Variants in KIAA0319L observed in about 807,000 individuals in gnomAD.
KIAA0319L encodes the protein dyslexia-associated protein KIAA0319-like protein.
In KIAA0319L, 55 loss-of-function variants were observed where a neutral mutation model predicts 120.1. That is an observed-to-expected ratio of 0.46 (90% CI 0.37 to 0.57). The LOEUF (loss-of-function observed/expected upper bound fraction) is 0.57, where lower values mean the gene tolerates loss of function less well. KIAA0319L is among the 20% of genes least tolerant of loss of function. The pLI, the probability that KIAA0319L is intolerant of heterozygous loss-of-function variation, is 0.00. For missense variants in KIAA0319L, 1,049 were observed against 1,255.3 expected (o/e 0.84, Z 2.48); for synonymous variants, 398 against 471.9 (o/e 0.84, Z 2.03).
At chr1:35,522,521 G>A (rs1204517786) in intron 2 of KIAA0319L, among the ~76,000 whole-genome samples, 8 of 151,932 alleles carry the variant, frequency 5.3e-5, no homozygotes, top group East Asian at 1.9e-4. Flanking sequence ...CTCGTGATTC[G>A]CCTTCCTTGG....
intron 2 of KIAA0319L, among the ~76,000 whole-genome samples, chr1:35,532,745 C>CA (rs780623522): frequency 6.6e-6 from 1 of 152,106 alleles, no homozygotes; most frequent in Non-Finnish European, 1.5e-5. Flanking sequence ...TAAATCTTTA[C>CA]AAAAAATGGC....
intron 10 of KIAA0319L, 52 bp downstream of exon 10, chr1:35,455,961 C>A: frequency 7.3e-7 from 1 of 1,372,072 alleles, no homozygotes; most frequent in African/African-American, 1.4e-5. Context: ...AAATGCAGTC[C>A]AGCAGCTCTA....
chr1:35,468,483 C>A (rs1272075848), intron 6 of KIAA0319L, among the ~76,000 whole-genome samples: 2 of 152,148 alleles, frequency 1.3e-5, no homozygotes, highest in Non-Finnish European at 2.9e-5. Flanking sequence ...AGTCCCTTTC[C>A]CCCAGCTACT....
chr1:35,445,198 G>T (rs1257250445), intron 16 of KIAA0319L, among the ~76,000 whole-genome samples: 1 of 152,048 alleles, frequency 6.6e-6, no homozygotes, highest in African/African-American at 2.4e-5. Context: ...CCCTATAAAT[G>T]GTATCATTTT....
At chr1:35,484,638 C>T (rs1317342900) in intron 3 of KIAA0319L, among the ~76,000 whole-genome samples, 1 of 151,272 alleles carries the variant, frequency 6.6e-6, no homozygotes, top group Non-Finnish European at 1.5e-5. Context: ...ATTTCTTTTT[C>T]TTGCATTATA....
intron 6 of KIAA0319L, among the ~76,000 whole-genome samples, chr1:35,467,067 G>C (rs908387933): frequency 6.3e-5 from 9 of 143,490 alleles, no homozygotes; most frequent in African/African-American, 2.3e-4. Flanking sequence ...ACTCCAGCAA[G>C]AAAAAGTAAA....
Position 35,448,395 on chromosome 1 carries a change from G to C in KIAA0319L, c.2354-63C>G, listed in dbSNP as rs971933559. 6 of 1,477,036 alleles carry C rather than the reference G, an allele frequency of 4.1e-6. No individual in the cohort carries two copies. In the African/African-American group the frequency reaches 5.6e-5, roughly 14 times the overall value. 91.5% of individuals were successfully genotyped at this position (1,477,036 alleles called of 1,614,324 possible). Reference sequence around the variant, plus strand: ...GGAGAGTAAACACAGACCTGCCACTGTGCATTTGCTTTGGCACAGGAGAGA... The same window carrying C: ...GGAGAGTAAACACAGACCTGCCACTCTGCATTTGCTTTGGCACAGGAGAGA... On this transcript the variant is annotated intron_variant, in intron 15 of 20. Transcript: ENST00000325722.
chr1:35,462,587 T>C (rs1198338539), intron 8 of KIAA0319L, 34 bp downstream of exon 8: 5 of 1,518,156 alleles, frequency 3.3e-6, no homozygotes, highest in Non-Finnish European at 4.6e-6. Flanking sequence ...CGGTGAATGT[T>C]CTTCTAAAAC....
chr1:35,466,360 C>T (rs956050492), intron 7 of KIAA0319L, among the ~76,000 whole-genome samples: 6 of 152,062 alleles, frequency 3.9e-5, no homozygotes, highest in South Asian at 2.1e-4. Flanking sequence ...AAGTAGGTCT[C>T]GGTAGATAAG....
At chr1:35,436,411 G>T (rs528937758) in intron 20 of KIAA0319L, among the ~76,000 whole-genome samples, 12 of 152,114 alleles carry the variant, frequency 7.9e-5, no homozygotes, top group Non-Finnish European at 1.5e-4. Context: ...CTGAGTCTTC[G>T]GGCAGCGGAG....
intron 2 of KIAA0319L, among the ~76,000 whole-genome samples, chr1:35,523,010 C>G: frequency 7.7e-6 from 1 of 129,794 alleles, no homozygotes; most frequent in African/African-American, 3.2e-5. Context: ...AGTGAAACTC[C>G]ACATAAAAAA....
intron 2 of KIAA0319L, among the ~76,000 whole-genome samples, chr1:35,525,520 T>A (rs1430900177): frequency 1.3e-5 from 2 of 152,248 alleles, no homozygotes; most frequent in Non-Finnish European, 2.9e-5. Context: ...TGTTCTTTTT[T>A]GCCTTTTTGA....
chr1:35,517,551 C>T (rs1052208022), intron 2 of KIAA0319L, among the ~76,000 whole-genome samples: 2 of 152,126 alleles, frequency 1.3e-5, no homozygotes, highest in East Asian at 1.9e-4. Flanking sequence ...ATACCATATA[C>T]AAAAATCAAA....
chr1:35,541,872 GA>G (rs915687213), intron 2 of KIAA0319L, among the ~76,000 whole-genome samples: 2 of 152,294 alleles, frequency 1.3e-5, no homozygotes, highest in East Asian at 3.9e-4. Flanking sequence ...GCTGGGGGAA[GA>G]AACAAGTGGC....
At chr1:35,486,185 A>G (rs2148338913) in intron 3 of KIAA0319L, among the ~76,000 whole-genome samples, 1 of 152,076 alleles carries the variant, frequency 6.6e-6, no homozygotes, top group Admixed American at 6.5e-5. Flanking sequence ...GAGTTTTTCA[A>G]GAACCTAGGC....
At chr1:35,518,548 T>C (rs1413706400) in intron 2 of KIAA0319L, among the ~76,000 whole-genome samples, 2 of 152,112 alleles carry the variant, frequency 1.3e-5, no homozygotes, top group Non-Finnish European at 2.9e-5. Context: ...CACTGGAATC[T>C]ACTTGAGGGT....
intron 20 of KIAA0319L, 189 bp from the exon 21 acceptor site, chr1:35,435,270 C>T: frequency 1.7e-6 from 1 of 597,718 alleles, no homozygotes; most frequent in Non-Finnish European, 3.0e-6. Context: ...GAACAGTCCA[C>T]TAAGGGGTGT....
At chr1:35,536,222 G>C (rs1162654491) in intron 2 of KIAA0319L, among the ~76,000 whole-genome samples, 1 of 152,182 alleles carries the variant, frequency 6.6e-6, no homozygotes, top group African/African-American at 2.4e-5. Flanking sequence ...AAGAAAAGCA[G>C]AGTGGATAAA....
intron 3 of KIAA0319L, among the ~76,000 whole-genome samples, chr1:35,489,733 C>T (rs1308460524): frequency 6.6e-6 from 1 of 150,854 alleles, no homozygotes; most frequent in African/African-American, 2.4e-5. Context: ...GTGGTGCAAT[C>T]TCCACTCACT....
Sources: gnomAD v4.1 joint callset for allele counts (sites outside exome capture counted in the v4.1 genomes callset) on GRCh38, gnomAD v4.1.1 for gene constraint, MANE v1.5 for transcripts, NCBI Gene and HGNC (gene_info 2026-07-23, HGNC 2026-07-21) for gene names.